The following EPB41L2 variants were observed in gnomAD, a reference collection of about 807,000 sequenced individuals.
EPB41L2 encodes the protein erythrocyte membrane protein band 4.1 like 2, also known as band 4.1-like protein 2.
In EPB41L2, 43 loss-of-function variants were observed where a neutral mutation model predicts 113.0. The ratio of observed to expected loss-of-function variants is 0.38; its 90% CI spans 0.30 to 0.49. The LOEUF is 0.49. Ranked by LOEUF, EPB41L2 falls within the 20% of genes least tolerant of loss-of-function variation. The pLI, the probability that EPB41L2 is intolerant of heterozygous loss-of-function variation, is 0.95. For missense variants in EPB41L2, 1,147 were observed against 1,223.4 expected, an observed-to-expected ratio of 0.94 and a Z score of 0.93; for synonymous variants, 442 against 436.7, an observed-to-expected ratio of 1.01 and a Z score of -0.15.
chr6:130,972,937 CAAAAAAAAAAAAAAA>C (rs57293132), intron 1 of EPB41L2, among the ~76,000 whole-genome samples: 31 of 59,514 alleles, frequency 5.2e-4, no homozygotes, highest in Admixed American at 4.4e-3. Flanking sequence ...ACTAAAGATA[CAAAAAAAAAAAAAAA>C]AAAAAAAAAA....
chr6:130,847,800 T>A (rs1250496444), intron 19 of EPB41L2, among the ~76,000 whole-genome samples: 1 of 152,220 alleles, frequency 6.6e-6, no homozygotes, highest in Non-Finnish European at 1.5e-5. Context: ...TGGTTCACTC[T>A]GCTAGGTCAA....
rs1038738702 is a variant in EPB41L2, at chr6:131,007,457, T to C, written c.-14-50958A>G. Among the ~76,000 whole-genome samples the C allele has an allele frequency of 5.3e-5, 8 of 152,206 alleles. No homozygotes were observed. The East Asian group carries it at 1.5e-3, about 29-fold the overall frequency. Reference sequence around the variant, plus strand: ...CATGCAAATGAACTAATACAGTAAATTGGTACCGGGAGTGGGGTGCCGCTG... The same window carrying C: ...CATGCAAATGAACTAATACAGTAAACTGGTACCGGGAGTGGGGTGCCGCTG... On this transcript the variant is annotated intron_variant, in intron 1 of 19. Coordinates refer to ENST00000337057, the MANE Select transcript of EPB41L2 (RefSeq NM_001431.4).
intron 4 of EPB41L2, among the ~76,000 whole-genome samples, chr6:130,926,396 G>T (rs1406150833): frequency 6.6e-6 from 1 of 152,134 alleles, no homozygotes; most frequent in Non-Finnish European, 1.5e-5. Flanking sequence ...GTACACATAT[G>T]CATGCACACA....
At chr6:131,051,213 C>T (rs1249950945) in intron 1 of EPB41L2, among the ~76,000 whole-genome samples, 1 of 151,928 alleles carries the variant, frequency 6.6e-6, no homozygotes, top group Non-Finnish European at 1.5e-5. Flanking sequence ...TTCTACCTCC[C>T]TCTATATAAA....
At chr6:130,886,149 C>T (rs1270667951) in intron 11 of EPB41L2, among the ~76,000 whole-genome samples, 3 of 152,166 alleles carry the variant, frequency 2.0e-5, no homozygotes, top group Non-Finnish European at 4.4e-5. Flanking sequence ...TACTCTGGTT[C>T]CATGTCCTAA....
chr6:130,966,690 A>G (rs1391683568), intron 1 of EPB41L2, among the ~76,000 whole-genome samples: 2 of 152,186 alleles, frequency 1.3e-5, no homozygotes, highest in Non-Finnish European at 2.9e-5. Context: ...AAACTTAAAC[A>G]CTTAAGTACT....
Position 130,848,199 on chromosome 6 carries a change from T to TCACACACA in EPB41L2, c.*6-7609_*6-7602dup, listed in dbSNP as rs66469665. 7.4e-3 allele frequency among the ~76,000 whole-genome samples: 835 copies of TCACACACA among 113,480 alleles called. 11 individuals carry two copies. Among genetic ancestry groups the TCACACACA allele is most frequent in the Admixed American group, 0.011 (129 of 11,308 alleles). The allele number at this position is 113,480 out of a possible 152,430, so 74.4% of individuals were successfully genotyped here. A position where few individuals can be genotyped will look rare whatever the true frequency, so the allele number is the denominator to read the frequency against. ...CTCTCTCTGTCTCTCTCTCTCTCTC[T>TCACACACA]CACACACACACACACACACACACAC... is the stretch of plus-strand genomic sequence containing the variant. On this transcript the variant is annotated intron_variant, in intron 19 of 19. Coordinates refer to ENST00000337057, the MANE Select transcript of EPB41L2 (RefSeq NM_001431.4).
intron 17 of EPB41L2, 146 bp from the exon 18 acceptor site, chr6:130,863,864 A>G: frequency 1.8e-6 from 1 of 567,406 alleles, no homozygotes; most frequent in Admixed American, 3.4e-5. Context: ...GATATTCTAG[A>G]AACACTTTGT....
intron 1 of EPB41L2, among the ~76,000 whole-genome samples, chr6:130,961,869 A>G (rs1272683188): frequency 1.3e-5 from 2 of 152,244 alleles, no homozygotes; most frequent in Non-Finnish European, 2.9e-5. Flanking sequence ...CAAAAATGGT[A>G]GCAAGAGGAT....
At chr6:130,910,806 A>T (rs1388946051) in intron 4 of EPB41L2, among the ~76,000 whole-genome samples, 1 of 152,252 alleles carries the variant, frequency 6.6e-6, no homozygotes, top group Non-Finnish European at 1.5e-5. Context: ...GAGAAATGCA[A>T]ATCAAATCCA....
chr6:130,909,996 A>G (rs755579020), intron 4 of EPB41L2, among the ~76,000 whole-genome samples: 18 of 152,202 alleles, frequency 1.2e-4, no homozygotes, highest in Non-Finnish European at 2.6e-4. Flanking sequence ...TCAAGCTACC[A>G]TTGACTTTCT....
chr6:130,954,990 GT>G (rs1816911847), intron 3 of EPB41L2, 114 bp downstream of exon 3: 2 of 878,708 alleles, frequency 2.3e-6, no homozygotes, highest in Non-Finnish European at 3.6e-6. Context: ...ATTTTTTTTA[GT>G]GCAAAACTGT....
In EPB41L2 at chr6:130,869,876, C is replaced by T. The variant is rs776630064; in HGVS notation, c.2294G>A (p.Gly765Asp). ...ATACTCCTGTTCCTCCCTGATGGTG[C>T]CCTCGGTCACTCGGTGGTGGGGACG... Reference protein sequence around the residue: ...EYRPHHRVTEGTIREEQEYEE... With the variant: ...EYRPHHRVTEDTIREEQEYEE... The change falls in exon 15 of 20, where the codon GGC (glycine) becomes GAC (aspartate). Residue 765 changes from glycine to aspartate, a missense_variant. Gly to Asp is a moderately conservative substitution (Grantham distance 94, BLOSUM62 -1). Transcript: ENST00000337057. The T allele has an allele frequency of 2.5e-6, 4 of 1,612,980 alleles. No individual in the cohort carries two copies. The highest frequency in any genetic ancestry group is 3.4e-6 in the Non-Finnish European group (4 of 1,180,012).
At chr6:131,021,160 A>G (rs1394734274) in intron 1 of EPB41L2, among the ~76,000 whole-genome samples, 4 of 152,192 alleles carry the variant, frequency 2.6e-5, no homozygotes, top group Non-Finnish European at 1.5e-5. Context: ...GAGTTTAGTT[A>G]GTGCTGTGAT....
intron 2 of EPB41L2, 135 bp downstream of exon 2, chr6:130,955,859 C>T (rs1302022126): frequency 7.0e-7 from 1 of 1,426,810 alleles, no homozygotes; most frequent in Non-Finnish European, 9.4e-7. Context: ...CAATCTAAGA[C>T]CCATTCCGTA....
At chr6:131,016,464 C>T (rs1288243906) in intron 1 of EPB41L2, among the ~76,000 whole-genome samples, 1 of 134,876 alleles carries the variant, frequency 7.4e-6, no homozygotes, top group East Asian at 2.2e-4. Flanking sequence ...ATTTATTAAG[C>T]ATTTAATAAG....
intron 4 of EPB41L2, among the ~76,000 whole-genome samples, chr6:130,914,481 C>T (rs1280182893): frequency 6.6e-6 from 1 of 151,876 alleles, no homozygotes; most frequent in Non-Finnish European, 1.5e-5. Flanking sequence ...AGTCTAAGAG[C>T]TTCTATGTAC....
At chr6:131,005,366 G>T (rs963309950) in intron 1 of EPB41L2, among the ~76,000 whole-genome samples, 5 of 152,088 alleles carry the variant, frequency 3.3e-5, no homozygotes, top group Admixed American at 3.3e-4. Context: ...AGATCTTAGA[G>T]ATGCCCTAGA....
At chr6:130,928,055 T>A (rs1454302783) in intron 3 of EPB41L2, among the ~76,000 whole-genome samples, 1 of 152,214 alleles carries the variant, frequency 6.6e-6, no homozygotes, top group Non-Finnish European at 1.5e-5. Context: ...TTCACGCCAC[T>A]GCAATCCAGG....
Sources: gnomAD v4.1 joint callset for allele counts (sites outside exome capture counted in the v4.1 genomes callset) on GRCh38, gnomAD v4.1.1 for gene constraint, MANE v1.5 for transcripts, NCBI Gene and HGNC (gene_info 2026-07-23, HGNC 2026-07-21) for gene names.